The following DSP variants were observed in gnomAD, a reference collection of about 807,000 sequenced individuals.
DSP encodes the protein desmoplakin, also known as 250/210 kDa paraneoplastic pemphigus antigen.
In DSP, 114 loss-of-function variants were observed where a neutral mutation model predicts 290.6. The observed-to-expected ratio is 0.39, with a 90% CI of 0.34 to 0.46. The LOEUF is 0.46. DSP is among the 20% of genes least tolerant of loss of function. The probability of loss-of-function intolerance (pLI) is 0.99; values close to 1 mark genes in which losing one functional copy is unlikely to be tolerated. For synonymous variants in DSP, 1,311 were observed against 1,316.4 expected, an observed-to-expected ratio of 1.00 and a Z score of 0.09; for missense variants, 3,230 against 3,495.8, an observed-to-expected ratio of 0.92 and a Z score of 1.92.
chr6:7,565,601 C>T lies in DSP; in HGVS notation c.939+81C>T. ...GCTGGGGTCTCGGGGAATGATTGGT[C>T]TATTAATAATTTAATCAGCCACTTG... On this transcript the variant is annotated intron_variant, in intron 7 of 23. Coordinates refer to ENST00000379802, the MANE Select transcript of DSP (RefSeq NM_004415.4). This position sits in a 1 kb window ranked among gnomAD's most constrained non-coding sequence, Gnocchi z 4.2. 2 of 1,548,420 alleles carry T rather than the reference C, an allele frequency of 1.3e-6. No individual in the cohort carries two copies. Among genetic ancestry groups the T allele is most frequent in the Non-Finnish European group, 1.8e-6 (2 of 1,125,488 alleles).
intron 18 of DSP, among the ~76,000 whole-genome samples, chr6:7,575,874 T>TA (rs1169094046): frequency 2.6e-5 from 4 of 152,242 alleles, no homozygotes; most frequent in Non-Finnish European, 4.4e-5. Flanking sequence ...AATAAGAGTT[T>TA]AAAAAATCTC....
At chr6:7,552,664 T>TC (rs1444531525) in intron 1 of DSP, among the ~76,000 whole-genome samples, 1 of 82,926 alleles carries the variant, frequency 1.2e-5, no homozygotes, top group East Asian at 2.2e-4. Context: ...TACCTGTTGT[T>TC]TTTTTTTTTT....
chr6:7,584,820 GTAGA>G lies in DSP; in HGVS notation c.7563_7566del (p.Asp2521GlufsTer39), dbSNP rs1320456072. On this transcript the variant is annotated frameshift_variant, in exon 24 of 24. Transcript: ENST00000379802. LOFTEE classifies it high-confidence loss of function. The surrounding 1 kb of genome is among the most constrained non-coding windows in gnomAD (Gnocchi z 6.4). ...AGATGGCTCCACCAGGGTGGTCCTG[GTAGA>G]TAGAAAGACAGGCAGTCAGTATGAT... is the stretch of plus-strand genomic sequence containing the variant. 1 of 1,614,186 alleles carries G rather than the reference GTAGA, an allele frequency of 6.2e-7. No homozygotes were observed. Among genetic ancestry groups the G allele is most frequent in the Admixed American group, 1.7e-5 (1 of 60,024 alleles).
intron 4 of DSP, among the ~76,000 whole-genome samples, chr6:7,562,310 T>C (rs1267452269): frequency 6.6e-6 from 1 of 151,984 alleles, no homozygotes; most frequent in Non-Finnish European, 1.5e-5. Flanking sequence ...TAACATATCA[T>C]ACATATATAT....
intron 10 of DSP, 37 bp from the exon 11 acceptor site, chr6:7,568,400 T>G (rs2113674036): frequency 6.2e-7 from 1 of 1,611,186 alleles, no homozygotes; most frequent in East Asian, 2.2e-5. Context: ...ACTCACAGGG[T>G]ATCTATGTTT....
At chr6:7,554,418 C>A (rs1758442695) in intron 1 of DSP, among the ~76,000 whole-genome samples, 1 of 152,144 alleles carries the variant, frequency 6.6e-6, no homozygotes, top group Non-Finnish European at 1.5e-5. Flanking sequence ...TCCGCCAACA[C>A]CACCGTTGTT....
At chr6:7,559,109 A>G (rs1758593036) in intron 3 of DSP, 117 bp from the exon 4 acceptor site, 4 of 1,194,840 alleles carry the variant, frequency 3.3e-6, no homozygotes, top group South Asian at 1.3e-5. Flanking sequence ...TTCAAATACC[A>G]TAAAACATTT....
chr6:7,561,873 C>T (rs1178507799), intron 4 of DSP, among the ~76,000 whole-genome samples: 1 of 152,186 alleles, frequency 6.6e-6, no homozygotes, highest in Non-Finnish European at 1.5e-5. Context: ...TTTACATGTA[C>T]TCATGCAAAA....
At chr6:7,562,837 ATT>A in intron 5 of DSP, 57 bp downstream of exon 5, 1 of 1,610,268 alleles carries the variant, frequency 6.2e-7, no homozygotes, top group Non-Finnish European at 8.5e-7. Flanking sequence ...GGATCGTGTA[ATT>A]ACTCAATCCC....
At chr6:7,557,727 C>T (rs569114943) in intron 2 of DSP, among the ~76,000 whole-genome samples, 9 of 150,254 alleles carry the variant, frequency 6.0e-5, no homozygotes, top group African/African-American at 2.2e-4. Context: ...ATTATGTTCT[C>T]ATAAGGTATA....
At chr6:7,543,106 G>T (rs1758061643) in intron 1 of DSP, among the ~76,000 whole-genome samples, 1 of 152,180 alleles carries the variant, frequency 6.6e-6, no homozygotes, top group Admixed American at 6.5e-5. Context: ...CGGGTCTCGG[G>T]AGCTGGACTC....
In DSP at chr6:7,582,619, ATTTCTTTC is replaced by A. The variant is rs749396563; in HGVS notation, c.5380-20_5380-13del. The stretch of plus-strand genomic sequence containing the variant: ...ATGATTCAAAACATTATTTTTTCCC[ATTTCTTTC>A]TTCTTCAATTCCAGGCATCTAATAG... On this transcript the variant is annotated splice_polypyrimidine_tract_variant and intron_variant, in intron 23 of 23. Coordinates refer to ENST00000379802, the MANE Select transcript of DSP (RefSeq NM_004415.4). The surrounding 1 kb of genome is among the most constrained non-coding windows in gnomAD (Gnocchi z 4.2). 3.8e-6 allele frequency: 6 copies of A among 1,592,128 alleles called. No homozygotes were observed. In the African/African-American group the frequency reaches 8.1e-5, roughly 21 times the overall value.
In DSP at chr6:7,565,672, G is replaced by C; in HGVS notation, c.939+152G>C. ...TGGTCGTGAAAAATCCTTCCTTCCTGAAAACTTCTCCGTGTGGAGGCCATT... is the reference window on the plus strand; with the variant it reads ...TGGTCGTGAAAAATCCTTCCTTCCTCAAAACTTCTCCGTGTGGAGGCCATT... On this transcript the variant is annotated intron_variant, in intron 7 of 23. Transcript: ENST00000379802. This position sits in a 1 kb window ranked among gnomAD's most constrained non-coding sequence, Gnocchi z 4.2. 9.3e-7 allele frequency: 1 copy of C among 1,075,962 alleles called. No individual in the cohort carries two copies. 66.7% of individuals were successfully genotyped at this position (1,075,962 alleles called of 1,614,324 possible).
chr6:7,573,843 C>G (rs529531805), intron 15 of DSP, among the ~76,000 whole-genome samples: 40 of 151,916 alleles, frequency 2.6e-4, no homozygotes, highest in African/African-American at 8.9e-4. Context: ...AAATTCAGCG[C>G]AAGACTACAG....
chr6:7,584,638 A>C lies in DSP; in HGVS notation c.7376A>C (p.Asn2459Thr). 6.2e-7 allele frequency: 1 copy of C among 1,614,184 alleles called. No homozygotes were observed. The highest frequency in any genetic ancestry group is 8.5e-7 in the Non-Finnish European group (1 of 1,180,030). ...KKKQVQTSQK[N>T]TLRKRRVVIV... ...AAACAGGTGCAGACATCACAAAAGA[A>C]TACCCTCAGGAAGCGTAGAGTGGTC... The change falls in exon 24 of 24, where the codon AAT (asparagine) becomes ACT (threonine). Residue 2459 changes from asparagine to threonine, a missense_variant. By Grantham distance (65) the Asn-to-Thr change is moderately conservative. Coordinates refer to ENST00000379802, the MANE Select transcript of DSP (RefSeq NM_004415.4). This position sits in a 1 kb window ranked among gnomAD's most constrained non-coding sequence, Gnocchi z 6.4.
At chr6:7,577,709 G>GAACT in intron 20 of DSP, 70 bp from the exon 21 acceptor site, 3 of 1,233,648 alleles carry the variant, frequency 2.4e-6, no homozygotes, top group Non-Finnish European at 3.6e-6. Flanking sequence ...TAAAACTGTG[G>GAACT]AACTGTAGCT....
rs768238588 is a variant in DSP, at chr6:7,568,596, A to T, written c.1419+7A>T. ...TGACTACAAACAAGATCAGGTGTGT[A>T]CTCATTTAGAATGATACAAAAGTTT... is the stretch of plus-strand genomic sequence containing the variant. On this transcript the variant is annotated splice_region_variant and intron_variant, in intron 11 of 23. Coordinates refer to ENST00000379802, the MANE Select transcript of DSP (RefSeq NM_004415.4). 1.2e-6 allele frequency: 2 copies of T among 1,613,666 alleles called. No individual in the cohort carries two copies. The highest frequency in any genetic ancestry group is 1.7e-6 in the Non-Finnish European group (2 of 1,179,992).
chr6:7,585,820 C>G lies in DSP; in HGVS notation c.8558C>G (p.Thr2853Arg). Reference sequence around the variant, plus strand: ...TCCCGGAGAGGAAGCTTTGACGCCACAGGGAATTCTTCCTACTCTTATTCC... The same window carrying G: ...TCCCGGAGAGGAAGCTTTGACGCCAGAGGGAATTCTTCCTACTCTTATTCC... ...SGSRRGSFDA[T>R]GNSSYSYSYS... Residue 2853 changes from threonine (T) to arginine (R), a missense_variant, in exon 24 of 24, where the codon ACA becomes AGA. This residue lies in a region of DSP where 582 missense variants were observed against 555.4 expected (regional missense o/e 1.05). Transcript: ENST00000379802. The G allele has an allele frequency of 1.9e-6, 3 of 1,612,378 alleles. No individual in the cohort carries two copies. The highest frequency in any genetic ancestry group is 2.5e-6 in the Non-Finnish European group (3 of 1,179,580).
intron 15 of DSP, among the ~76,000 whole-genome samples, chr6:7,573,100 C>G (rs1389656141): frequency 6.6e-6 from 1 of 151,476 alleles, no homozygotes; most frequent in East Asian, 1.9e-4. Flanking sequence ...AGAGCAAGAC[C>G]CTTCTCTTTA....
Sources: allele counts gnomAD v4.1 joint callset (sites outside exome capture counted in the v4.1 genomes callset), GRCh38; gene constraint gnomAD v4.1.1; regional missense constraint gnomAD v4.1.1; non-coding constraint Gnocchi (gnomAD v3.1); transcripts MANE v1.5; gene names NCBI Gene and HGNC (gene_info 2026-07-23, HGNC 2026-07-21).